DLGAP2: variants seen among roughly 807,000 people sequenced by gnomAD.
The protein encoded by DLGAP2 is disks large-associated protein 2.
Under a neutral mutation model 100.3 loss-of-function variants are expected in DLGAP2, and 26 were observed. The observed-to-expected ratio is 0.26, with a 90% confidence interval of 0.19 to 0.36. The LOEUF (loss-of-function observed/expected upper bound fraction) is 0.36. DLGAP2 is among the 10% of genes least tolerant of loss of function. The pLI is 1.00. For missense variants in DLGAP2, 1,858 were observed against 1,453.2 expected (o/e 1.28, Z -4.53); for synonymous variants, 886 against 630.1 (o/e 1.41, Z -6.08).
intron 2 of DLGAP2, among the ~76,000 whole-genome samples, chr8:1,086,968 C>T (rs1803993675): frequency 6.6e-6 from 1 of 152,150 alleles, no homozygotes; most frequent in Non-Finnish European, 1.5e-5. Flanking sequence ...TTCTCAAGCA[C>T]ACGTGGAACA....
intron 2 of DLGAP2, among the ~76,000 whole-genome samples, chr8:977,256 G>T (rs1179091701): frequency 1.3e-5 from 2 of 152,220 alleles, no homozygotes; most frequent in Non-Finnish European, 2.9e-5. Context: ...TTGGTCTAAA[G>T]GCAATGAGAA....
chr8:1,635,973 G>GAAT (rs1484800102), intron 8 of DLGAP2, among the ~76,000 whole-genome samples: 1 of 152,180 alleles, frequency 6.6e-6, no homozygotes, highest in East Asian at 1.9e-4. Flanking sequence ...AGTAAGAACA[G>GAAT]AATACCCTGT....
chr8:864,840 A>C (rs1026816697), intron 1 of DLGAP2, among the ~76,000 whole-genome samples: 1 of 152,192 alleles, frequency 6.6e-6, no homozygotes, highest in African/African-American at 2.4e-5. Context: ...TAAAATATTA[A>C]TATTTATATT....
chr8:1,571,624 G>C (rs1802689779), intron 6 of DLGAP2, among the ~76,000 whole-genome samples: 2 of 133,678 alleles, frequency 1.5e-5, no homozygotes, highest in Admixed American at 7.6e-5. Flanking sequence ...AGAGGAGAGA[G>C]GGGGTGAACT....
intron 3 of DLGAP2, among the ~76,000 whole-genome samples, chr8:1,278,980 A>G (rs987267921): frequency 1.3e-5 from 2 of 152,258 alleles, no homozygotes; most frequent in African/African-American, 4.8e-5. Context: ...AGTTAAGGTG[A>G]GGATAAAGAA....
At chr8:799,637 C>A (rs1416358058) in intron 1 of DLGAP2, among the ~76,000 whole-genome samples, 1 of 152,190 alleles carries the variant, frequency 6.6e-6, no homozygotes, top group Non-Finnish European at 1.5e-5. Flanking sequence ...GTCTCTGTCA[C>A]CCAGGCTGGA....
At chr8:1,081,821 C>A (rs1803820359) in intron 2 of DLGAP2, among the ~76,000 whole-genome samples, 2 of 152,160 alleles carry the variant, frequency 1.3e-5, no homozygotes, top group Admixed American at 1.3e-4. Context: ...ATTTCACCCA[C>A]AGCGACAAAG....
At chr8:1,336,824 C>T (rs887182858) in intron 3 of DLGAP2, among the ~76,000 whole-genome samples, 4 of 148,026 alleles carry the variant, frequency 2.7e-5, no homozygotes, top group Non-Finnish European at 4.5e-5. Context: ...TACATACACA[C>T]ATTTTTCCTA....
At chr8:1,197,027 T>G (rs77664597) in intron 2 of DLGAP2, among the ~76,000 whole-genome samples, 2 of 152,128 alleles carry the variant, frequency 1.3e-5, no homozygotes, top group African/African-American at 4.8e-5. Context: ...GGGCAATGTC[T>G]GTGGTCAGGA....
chr8:1,553,211 G>A (rs1319871629), intron 5 of DLGAP2, among the ~76,000 whole-genome samples: 2 of 152,156 alleles, frequency 1.3e-5, no homozygotes, highest in Non-Finnish European at 2.9e-5. Context: ...CTGTCCTCAG[G>A]CCTCCTCTCT....
chr8:1,604,435 G>C (rs1009764778), intron 6 of DLGAP2: 6 of 152,028 alleles, frequency 3.9e-5, no homozygotes, highest in Non-Finnish European at 7.4e-5. Flanking sequence ...AGACCACCAG[G>C]AATGGAATCA....
chr8:1,276,080 A>G (rs1249318319), intron 3 of DLGAP2, among the ~76,000 whole-genome samples: 3 of 142,776 alleles, frequency 2.1e-5, no homozygotes, highest in Admixed American at 1.5e-4. Flanking sequence ...TATAATATAT[A>G]AATAAATGTG....
At chr8:1,475,053 A>C (rs1005402608) in intron 3 of DLGAP2, among the ~76,000 whole-genome samples, 1 of 152,208 alleles carries the variant, frequency 6.6e-6, no homozygotes, top group African/African-American at 2.4e-5. Flanking sequence ...CGCAGCCATC[A>C]GGAAGAATGA....
chr8:1,060,179 C>T (rs1387000349), intron 2 of DLGAP2, among the ~76,000 whole-genome samples: 1 of 152,174 alleles, frequency 6.6e-6, no homozygotes, highest in African/African-American at 2.4e-5. Context: ...TTTCCCGTGG[C>T]CACCGTCATG....
intron 3 of DLGAP2, among the ~76,000 whole-genome samples, chr8:1,284,504 C>T (rs1799883853): frequency 6.6e-6 from 1 of 152,158 alleles, no homozygotes; most frequent in South Asian, 2.1e-4. Flanking sequence ...GACCACAGTC[C>T]CCACGCAAAC....
intron 1 of DLGAP2, among the ~76,000 whole-genome samples, chr8:884,710 C>T (rs918894514): frequency 6.6e-6 from 1 of 151,866 alleles, no homozygotes; most frequent in African/African-American, 2.4e-5. Context: ...TTGCCCTTGC[C>T]TATGTCCTGA....
intron 3 of DLGAP2, among the ~76,000 whole-genome samples, chr8:1,280,532 G>C (rs867704063): frequency 1.3e-5 from 2 of 152,190 alleles, no homozygotes; most frequent in Non-Finnish European, 2.9e-5. Context: ...TAAAGGAGGA[G>C]GGATTTCTTG....
intron 3 of DLGAP2, among the ~76,000 whole-genome samples, chr8:1,412,752 C>G (rs1047085122): frequency 3.3e-5 from 5 of 152,210 alleles, no homozygotes; most frequent in African/African-American, 1.2e-4. Context: ...AGGCAAAAGG[C>G]AATTGCCAGC....
At chr8:1,601,181 G>A (rs1224283401) in intron 6 of DLGAP2, among the ~76,000 whole-genome samples, 1 of 152,214 alleles carries the variant, frequency 6.6e-6, no homozygotes, top group Non-Finnish European at 1.5e-5. Flanking sequence ...GACCCTGTTT[G>A]CCTGGGTATC....
Sources: gnomAD v4.1 joint callset for allele counts (sites outside exome capture counted in the v4.1 genomes callset) on GRCh38, gnomAD v4.1.1 for gene constraint, MANE v1.5 for transcripts, NCBI Gene and HGNC (gene_info 2026-07-23, HGNC 2026-07-21) for gene names.